The following BCL9 variants were observed in gnomAD, a reference collection of about 807,000 sequenced individuals.
BCL9 encodes the protein B-cell CLL/lymphoma 9 protein.
In BCL9, 25 loss-of-function variants were observed where a neutral mutation model predicts 88.5. The observed-to-expected ratio is 0.28, with a 90% confidence interval of 0.21 to 0.39. The LOEUF (loss-of-function observed/expected upper bound fraction) is 0.39. BCL9 is among the 10% of genes least tolerant of loss of function. The pLI, the probability that BCL9 is intolerant of heterozygous loss-of-function variation, is 1.00. For synonymous variants in BCL9, 711 were observed against 673.3 expected, an observed-to-expected ratio of 1.06 and a Z score of -0.87; for missense variants, 1,817 against 1,877.8, an observed-to-expected ratio of 0.97 and a Z score of 0.60.
Position 147,617,408 on chromosome 1 carries a change from A to G in BCL9, c.661-1408A>G, listed in dbSNP as rs1173757338. 3.3e-5 allele frequency among the ~76,000 whole-genome samples: 5 copies of G among 152,204 alleles called. No homozygotes were observed. The East Asian group carries it at 7.7e-4, about 23-fold the overall frequency. On this transcript the variant is annotated intron_variant, in intron 7 of 9. Transcript: ENST00000234739. ...CCACAACAAACAAAACCTGACCAACAAAACCAAACTTAAAATGGCACTAGA... is the reference window on the plus strand; with the variant it reads ...CCACAACAAACAAAACCTGACCAACGAAACCAAACTTAAAATGGCACTAGA...
In BCL9 at chr1:147,612,865, GTTAT is replaced by G. The variant is rs781808858; in HGVS notation, c.54-15_54-12del. The G allele has an allele frequency of 8.1e-6, 13 of 1,611,630 alleles. No homozygotes were observed. The African/African-American group carries it at 1.3e-4, about 17-fold the overall frequency. On this transcript the variant is annotated splice_polypyrimidine_tract_variant and intron_variant, in intron 4 of 9. Coordinates refer to ENST00000234739, the MANE Select transcript of BCL9 (RefSeq NM_004326.4). Reference sequence around the variant, plus strand: ...TGTATCTGGTGTCTGATCTTCCTTTGTTATTTGTTTCTTTTAGTAGCCCTAAGTC... The same window carrying G: ...TGTATCTGGTGTCTGATCTTCCTTTGTTGTTTCTTTTAGTAGCCCTAAGTC...
intron 3 of BCL9, among the ~76,000 whole-genome samples, chr1:147,608,113 A>G (rs1480401668): frequency 6.6e-6 from 1 of 152,194 alleles, no homozygotes; most frequent in Non-Finnish European, 1.5e-5. Flanking sequence ...GAAGTGAGCA[A>G]CTGGCAGAAT....
At chr1:147,569,473 CA>C (rs79619243) in intron 1 of BCL9, among the ~76,000 whole-genome samples, 2 of 124,962 alleles carry the variant, frequency 1.6e-5, no homozygotes, top group Non-Finnish European at 1.6e-5. Flanking sequence ...TACTAAAATA[CA>C]AAAAAAAAAA....
chr1:147,606,645 T>C (rs1472326537), intron 2 of BCL9, 139 bp from the exon 3 acceptor site: 1 of 152,218 alleles, frequency 6.6e-6, no homozygotes, highest in Non-Finnish European at 1.5e-5. Flanking sequence ...TCTATTTGTG[T>C]GGGGGATGAC....
At chr1:147,556,404 G>A (rs782215628) in intron 1 of BCL9, among the ~76,000 whole-genome samples, 12 of 151,726 alleles carry the variant, frequency 7.9e-5, no homozygotes, top group Admixed American at 3.3e-4. Context: ...GATTACAGGC[G>A]TGAGCCACCG....
intron 1 of BCL9, among the ~76,000 whole-genome samples, chr1:147,586,862 C>T (rs587675461): frequency 2.6e-5 from 4 of 152,264 alleles, no homozygotes; most frequent in East Asian, 3.9e-4. Context: ...ATGCAAACTC[C>T]TTAGCCTTAA....
intron 1 of BCL9, among the ~76,000 whole-genome samples, chr1:147,599,408 G>C (rs909591805): frequency 1.3e-5 from 2 of 152,164 alleles, no homozygotes; most frequent in South Asian, 4.1e-4. Context: ...AAGAGTGAGG[G>C]AAAGACCGGC....
chr1:147,605,710 C>T (rs905101537), intron 2 of BCL9, among the ~76,000 whole-genome samples: 1 of 152,114 alleles, frequency 6.6e-6, no homozygotes, highest in Non-Finnish European at 1.5e-5. Context: ...CTATTGTGTA[C>T]TTTTTCTGAG....
intron 5 of BCL9, among the ~76,000 whole-genome samples, chr1:147,613,703 CT>C (rs1553203170): frequency 6.6e-6 from 1 of 152,112 alleles, no homozygotes; most frequent in Non-Finnish European, 1.5e-5. Flanking sequence ...TTTGTTACAG[CT>C]GATTTTAGTG....
At position 147,620,804 on chromosome 1, in the gene BCL9, C is replaced by G. The variant is rs781785871; in HGVS notation, c.2649C>G (p.Leu883=). The change falls in exon 8 of 10, where the codon CTC becomes CTG. Residue 883 remains leucine (L), a synonymous_variant. Coordinates refer to ENST00000234739, the MANE Select transcript of BCL9 (RefSeq NM_004326.4). The part of the protein sequence containing the change: ...SPMLGSPSGN[L]KSPQTPSQLA... ...TGCTGGGCTCGCCCTCGGGGAACCT[C>G]AAGTCCCCCCAGACTCCATCGCAGC... 6.2e-7 allele frequency: 1 copy of G among 1,614,184 alleles called. No homozygotes were observed. Among genetic ancestry groups the G allele is most frequent in the Admixed American group, 1.7e-5 (1 of 60,036 alleles).
At chr1:147,585,501 A>C (rs587599041) in intron 1 of BCL9, among the ~76,000 whole-genome samples, 8 of 152,204 alleles carry the variant, frequency 5.3e-5, no homozygotes, top group Non-Finnish European at 1.0e-4. Flanking sequence ...TTTTCATGTT[A>C]ATTAATTGCT....
intron 1 of BCL9, among the ~76,000 whole-genome samples, chr1:147,598,548 T>G (rs1657155719): frequency 6.6e-6 from 1 of 152,114 alleles, no homozygotes; most frequent in African/African-American, 2.4e-5. Context: ...CCAAGGAAGG[T>G]TTCCTTTAGG....
intron 7 of BCL9, among the ~76,000 whole-genome samples, chr1:147,617,243 T>G (rs1022642939): frequency 6.6e-6 from 1 of 152,172 alleles, no homozygotes; most frequent in African/African-American, 2.4e-5. Flanking sequence ...TCTTAATACC[T>G]ACACCTTAAT....
chr1:147,542,780 AAAG>A (rs1423884852), intron 1 of BCL9, among the ~76,000 whole-genome samples: 9 of 152,104 alleles, frequency 5.9e-5, no homozygotes, highest in African/African-American at 7.2e-5. Flanking sequence ...TTTTTGTTTT[AAAG>A]AAGGTCAATG....
At chr1:147,623,058 G>A (rs781950202) in intron 9 of BCL9, among the ~76,000 whole-genome samples, 8 of 149,304 alleles carry the variant, frequency 5.4e-5, no homozygotes, top group Non-Finnish European at 5.9e-5. Context: ...CCCTCACCTC[G>A]ACTCCTGCCA....
rs1442220311 is a variant in BCL9 at position 147,625,107 on chromosome 1, A to G, written c.*148A>G. On this transcript the variant is annotated 3_prime_UTR_variant, in exon 10 of 10. Coordinates refer to ENST00000234739, the MANE Select transcript of BCL9 (RefSeq NM_004326.4). Reference sequence around the variant, plus strand: ...CTGCTTTGGGGGAGGGGGGAACTCGAGAATGTATGGATTTACCTGAAAACA... The same window carrying G: ...CTGCTTTGGGGGAGGGGGGAACTCGGGAATGTATGGATTTACCTGAAAACA... 2.2e-6 allele frequency: 2 copies of G among 893,652 alleles called. No homozygotes were observed. Among genetic ancestry groups the G allele is most frequent in the Admixed American group, 6.2e-5 (2 of 32,232 alleles). The allele number at this position is 893,652 out of a possible 1,614,324, so 55.4% of individuals were successfully genotyped here.
Position 147,624,421 on chromosome 1 carries a change from C to T in BCL9, c.3743C>T (p.Thr1248Met), listed in dbSNP as rs138508726. 50 of 1,614,110 alleles carry T rather than the reference C, an allele frequency of 3.1e-5. No homozygotes were observed. Among genetic ancestry groups the T allele is most frequent in the Non-Finnish European group, 3.8e-5 (45 of 1,180,044 alleles). The change falls in exon 10 of 10, where the codon ACG becomes ATG. Residue 1248 changes from threonine to methionine, a missense_variant. Physicochemically the swap from Thr to Met is moderately conservative, Grantham distance 81. Around this residue, in one of 2 missense-constraint regions of BCL9, gnomAD observed 589 missense variants for 686.2 expected, o/e 0.86. Transcript: ENST00000234739. This position sits in a 1 kb window ranked among gnomAD's most constrained non-coding sequence, Gnocchi z 4.4. ...RIIPSEKPSQ[T>M]LQYFPRGEVP... ...ATTCCATCTGAGAAGCCCAGCCAGACGCTGCAATATTTCCCTCGAGGGGAA... is the reference window on the plus strand; with the variant it reads ...ATTCCATCTGAGAAGCCCAGCCAGATGCTGCAATATTTCCCTCGAGGGGAA...
intron 1 of BCL9, among the ~76,000 whole-genome samples, chr1:147,552,940 T>C (rs1251912964): frequency 6.6e-6 from 1 of 151,482 alleles, no homozygotes; most frequent in Non-Finnish European, 1.5e-5. Context: ...ATTCATCTAC[T>C]CTTTGAGATT....
intron 9 of BCL9, 72 bp downstream of exon 9, chr1:147,622,603 A>G (rs1238538973): frequency 5.1e-6 from 8 of 1,567,494 alleles, no homozygotes; most frequent in Admixed American, 3.5e-5. Flanking sequence ...CGTTTTCTCA[A>G]TGGCTATACA....
Sources: allele counts gnomAD v4.1 joint callset (sites outside exome capture counted in the v4.1 genomes callset), GRCh38; gene constraint gnomAD v4.1.1; regional missense constraint gnomAD v4.1.1; non-coding constraint Gnocchi (gnomAD v3.1); transcripts MANE v1.5; gene names NCBI Gene and HGNC (gene_info 2026-07-23, HGNC 2026-07-21).